The following RIMBP2 variants were observed in gnomAD, a reference collection of about 807,000 sequenced individuals.
The protein encoded by RIMBP2 is RIMS binding protein 2, also known as RIMS-binding protein 2.
Under a neutral mutation model 118.6 loss-of-function variants are expected in RIMBP2, and 48 were observed. The ratio of observed to expected loss-of-function variants is 0.40; its 90% CI spans 0.32 to 0.51. RIMBP2 has a LOEUF of 0.51. Among genes scored for constraint, RIMBP2 ranks in the 20% least tolerant of loss-of-function variants. The pLI is 0.41. For missense variants in RIMBP2, 1,551 were observed against 1,768.3 expected (o/e 0.88, Z 2.20); for synonymous variants, 762 against 742.9 (o/e 1.03, Z -0.42).
At chr12:130,438,339 T>TGGGGGGGGGGGGG in intron 12 of RIMBP2, 26 bp downstream of exon 12, 2 of 755,644 alleles carry the variant, frequency 2.6e-6, no homozygotes, top group Non-Finnish European at 4.2e-6. Flanking sequence ...TAACAAACCC[T>TGGGGGGGGGGGGG]CCCCACCCAC....
intron 2 of RIMBP2, among the ~76,000 whole-genome samples, chr12:130,542,624 T>A (rs1021645837): frequency 6.6e-6 from 1 of 152,186 alleles, no homozygotes; most frequent in Non-Finnish European, 1.5e-5. Context: ...TTGCTCTGCA[T>A]GACAATACTA....
rs114113872 is a variant in RIMBP2 at position 130,592,411 on chromosome 12, C to G, written c.-217+35911G>C. On this transcript the variant is annotated intron_variant, in intron 2 of 22. Transcript: ENST00000690449. ...CTCTGTGTAAAAATGGATGCGCTGG[C>G]CAGATGCAGTGGCTCACACCTGTAA... 8.7e-3 allele frequency among the ~76,000 whole-genome samples: 1,329 copies of G among 152,246 alleles called. 22 individuals are homozygous for G. Among genetic ancestry groups the G allele is most frequent in the African/African-American group, 0.031 (1,280 of 41,542 alleles).
intron 2 of RIMBP2, among the ~76,000 whole-genome samples, chr12:130,520,041 T>A (rs1288033159): frequency 6.6e-6 from 1 of 152,160 alleles, no homozygotes; most frequent in Non-Finnish European, 1.5e-5. Context: ...GTTCATGCCA[T>A]CCGCCTCTCT....
At position 130,442,575 on chromosome 12, in the gene RIMBP2, C is replaced by T. The variant is rs146104049; in HGVS notation, c.777G>A (p.Thr259=). The T allele has an allele frequency of 1.4e-4, 218 of 1,614,184 alleles. 2 individuals carry two copies. Among genetic ancestry groups the T allele is most frequent in the South Asian group, 7.7e-4 (70 of 91,082 alleles). ...VQDNESRLAS[T]LGNEQDQNFI... The stretch of plus-strand genomic sequence containing the variant: ...AGTTCTGATCCTGCTCGTTCCCCAG[C>T]GTGCTTGCCAACCGCGACTCGTTGT... Residue 259 remains threonine (T), a synonymous_variant, in exon 11 of 23, where the codon ACG becomes ACA. Coordinates refer to ENST00000690449, the MANE Select transcript of RIMBP2 (RefSeq NM_001393629.1). This position sits in a 1 kb window ranked among gnomAD's most constrained non-coding sequence, Gnocchi z 6.9.
At position 130,399,765 on chromosome 12, in the gene RIMBP2, C is replaced by T. The variant is rs751473772; in HGVS notation, c.3814G>A (p.Glu1272Lys). ...TAGACTTCTACGTCATCAGGCACTT[C>T]TTCCAAGAAGTTTGAGGGCACAAGG... Reference protein sequence around the residue: ...KGLVPSNFLEEVPDDVEVYLS... With the variant: ...KGLVPSNFLEKVPDDVEVYLS... Residue 1272 changes from glutamate (E) to lysine (K), a missense_variant, in exon 22 of 23, where the codon GAA (glutamate) becomes AAA (lysine). By Grantham distance (56) the Glu-to-Lys change is moderately conservative. Around this residue, in one of 5 missense-constraint regions of RIMBP2, gnomAD observed 1,038 missense variants for 1,125.1 expected, o/e 0.92. Transcript: ENST00000690449. 3.7e-6 allele frequency: 6 copies of T among 1,614,084 alleles called. No individual in the cohort carries two copies. In the African/African-American group the frequency reaches 6.7e-5, roughly 18 times the overall value.
Position 130,422,005 on chromosome 12 carries a change from G to A in RIMBP2, c.3238+448C>T, listed in dbSNP as rs111402486. Among the ~76,000 whole-genome samples the A allele has an allele frequency of 5.1e-3, 781 of 152,304 alleles. 3 individuals are homozygous for A. Among genetic ancestry groups the A allele is most frequent in the South Asian group, 0.013 (64 of 4,822 alleles). ...ATTTCAGGGGCACACTCAGCTGCAC[G>A]GTGTCCCCCAGGATTTAGCTCTGCT... On this transcript the variant is annotated intron_variant, in intron 17 of 22. Coordinates refer to ENST00000690449, the MANE Select transcript of RIMBP2 (RefSeq NM_001393629.1). This position sits in a 1 kb window ranked among gnomAD's most constrained non-coding sequence, Gnocchi z 5.2.
At chr12:130,685,776 T>A (rs1381938419) in intron 1 of RIMBP2, among the ~76,000 whole-genome samples, 1 of 152,090 alleles carries the variant, frequency 6.6e-6, no homozygotes, top group Admixed American at 6.5e-5. Context: ...GATGCCCTGC[T>A]CTGTTTACCT....
rs187568650 is a variant in RIMBP2 at position 130,712,893 on chromosome 12, G to A, written c.-352+3329C>T. Among the ~76,000 whole-genome samples, 49 of 152,146 alleles carry A rather than the reference G, an allele frequency of 3.2e-4. No individual in the cohort carries two copies. The East Asian group carries it at 6.6e-3, about 21-fold the overall frequency. ...GGTCTGTTCTAATCGCACAGCCACC[G>A]CAGTACGCATGGTCTTCACTGATGG... On this transcript the variant is annotated intron_variant, in intron 1 of 22. Transcript: ENST00000690449.
At chr12:130,645,660 C>G (rs2062835509) in intron 1 of RIMBP2, among the ~76,000 whole-genome samples, 1 of 152,166 alleles carries the variant, frequency 6.6e-6, no homozygotes, top group Admixed American at 6.5e-5. Context: ...CGGCGTTAGC[C>G]CAAAGAGCAG....
At chr12:130,534,850 G>A (rs1486109319) in intron 2 of RIMBP2, among the ~76,000 whole-genome samples, 1 of 152,220 alleles carries the variant, frequency 6.6e-6, no homozygotes, top group Non-Finnish European at 1.5e-5. Context: ...GGCACAAAGA[G>A]GAGAGTGTCT....
At chr12:130,669,584 C>G (rs1423314747) in intron 1 of RIMBP2, among the ~76,000 whole-genome samples, 1 of 152,168 alleles carries the variant, frequency 6.6e-6, no homozygotes, top group Non-Finnish European at 1.5e-5. Context: ...GAAGGTCAAG[C>G]TTGCTTCCCC....
At position 130,438,389 on chromosome 12, in the gene RIMBP2, G is replaced by A. The variant is rs759112027; in HGVS notation, c.1632C>T (p.Tyr544=). 60 of 1,359,874 alleles carry A rather than the reference G, an allele frequency of 4.4e-5. No individual in the cohort carries two copies. The highest frequency in any genetic ancestry group is 9.5e-5 in the African/African-American group (6 of 63,034). The allele number at this position is 1,359,874 out of a possible 1,614,324, so 84.2% of individuals were successfully genotyped here. A position where few individuals can be genotyped will look rare whatever the true frequency, so the allele number is the denominator to read the frequency against. The change falls in exon 12 of 23, where the codon TAC becomes TAT. Residue 544 remains tyrosine (Y), a synonymous_variant. Coordinates refer to ENST00000690449, the MANE Select transcript of RIMBP2 (RefSeq NM_001393629.1). ...GLSNGANVTG[Y]GVYAKGQRVA... The stretch of plus-strand genomic sequence containing the variant: ...CCCTCTGCCCTTTGGCATACACGCC[G>A]TAGCCGGTAACGTTTGCGCCATTGG...
rs570083786 is a variant in RIMBP2 at position 130,446,345 on chromosome 12, A to G, written c.582-1076T>C. 2.0e-5 allele frequency among the ~76,000 whole-genome samples: 3 copies of G among 152,252 alleles called. No individual in the cohort carries two copies. Among genetic ancestry groups the G allele is most frequent in the Non-Finnish European group, 2.9e-5 (2 of 68,050 alleles). On this transcript the variant is annotated intron_variant, in intron 9 of 22. Coordinates refer to ENST00000690449, the MANE Select transcript of RIMBP2 (RefSeq NM_001393629.1). This position sits in a 1 kb window ranked among gnomAD's most constrained non-coding sequence, Gnocchi z 4.1. ...ACACGTTTTATTCGATGGCCATTAA[A>G]TGTTAGGAAAACAGAGAAGATAAGG...
rs183366555 is a variant in RIMBP2 at position 130,458,033 on chromosome 12, C to G, written c.154-1333G>C. Among the ~76,000 whole-genome samples the G allele has an allele frequency of 6.0e-3, 919 of 151,934 alleles. 8 individuals are homozygous for G. Among genetic ancestry groups the G allele is most frequent in the African/African-American group, 0.02 (832 of 41,434 alleles). Reference sequence around the variant, plus strand: ...TGTCTGCCTGTTTCCTGCTGCGTCCCGGACCTGAGCAAAGGGCTCAGCAAC... The same window carrying G: ...TGTCTGCCTGTTTCCTGCTGCGTCCGGGACCTGAGCAAAGGGCTCAGCAAC... On this transcript the variant is annotated intron_variant, in intron 6 of 22. Transcript: ENST00000690449.
intron 2 of RIMBP2, among the ~76,000 whole-genome samples, chr12:130,599,851 A>G (rs1192213133): frequency 4.6e-5 from 7 of 152,230 alleles, no homozygotes; most frequent in Non-Finnish European, 1.0e-4. Context: ...GGGGCCCCCA[A>G]ATCACTAAGC....
chr12:130,513,668 C>T (rs1364099755), intron 3 of RIMBP2, among the ~76,000 whole-genome samples: 1 of 152,218 alleles, frequency 6.6e-6, no homozygotes. Flanking sequence ...TTTCCTCCCA[C>T]AAGGCTGCCT....
Position 130,450,346 on chromosome 12 carries a change from G to T in RIMBP2, c.505-70C>A, listed in dbSNP as rs1472112027. On this transcript the variant is annotated intron_variant, in intron 8 of 22. Transcript: ENST00000690449. The surrounding 1 kb of genome is among the most constrained non-coding windows in gnomAD (Gnocchi z 4.8). ...GTCCCACCCCATTCCCGCGGCACAC[G>T]GGAAAGCCCCTCGCAGCTTCCTGGG... The T allele has an allele frequency of 3.3e-6, 4 of 1,216,890 alleles. No homozygotes were observed. The Admixed American group carries it at 5.8e-5, about 18-fold the overall frequency. The allele number at this position is 1,216,890 out of a possible 1,614,324, so 75.4% of individuals were successfully genotyped here.
chr12:130,680,352 G>T (rs1011347), intron 1 of RIMBP2, among the ~76,000 whole-genome samples: 52,724 of 152,032 alleles, frequency 0.35, 9,240 homozygotes, highest in African/African-American at 0.4. Context: ...CCAGTCCATA[G>T]TACACGGTGC....
chr12:130,432,847 A>G (rs1368101732), intron 14 of RIMBP2, among the ~76,000 whole-genome samples: 1 of 152,226 alleles, frequency 6.6e-6, no homozygotes, highest in Non-Finnish European at 1.5e-5. Flanking sequence ...ACAACAGTCA[A>G]CAGAAATCCT....
Sources: gnomAD v4.1 joint callset for allele counts (sites outside exome capture counted in the v4.1 genomes callset) on GRCh38, gnomAD v4.1.1 for gene constraint, gnomAD v4.1.1 regional missense constraint, Gnocchi (gnomAD v3.1) non-coding constraint, MANE v1.5 for transcripts, NCBI Gene and HGNC (gene_info 2026-07-23, HGNC 2026-07-21) for gene names.